The following KCNH4 variants were observed in gnomAD, a reference collection of about 807,000 sequenced individuals.
The protein encoded by KCNH4 is voltage-gated delayed rectifier potassium channel KCNH4.
Under a neutral mutation model 90.7 loss-of-function variants are expected in KCNH4, and 33 were observed. The ratio of observed to expected loss-of-function variants is 0.36; its 90% CI spans 0.28 to 0.49. The LOEUF is 0.49. KCNH4 is among the 20% of genes least tolerant of loss of function. The pLI is 0.98. For missense variants in KCNH4, 1,044 were observed against 1,387.1 expected, an observed-to-expected ratio of 0.75 and a Z score of 3.93; for synonymous variants, 551 against 581.7, an observed-to-expected ratio of 0.95 and a Z score of 0.76.
rs140256928 is a variant in KCNH4 at position 42,176,596 on chromosome 17, C to T, written c.586-299G>A. On this transcript the variant is annotated intron_variant, in intron 4 of 16. Coordinates refer to ENST00000264661, the MANE Select transcript of KCNH4 (RefSeq NM_012285.3). ...GGAGTGCAAGGGCATGATCTTGGCT[C>T]ACTGCAACCTCCACCTCCTGGGTTC... Among the ~76,000 whole-genome samples the T allele has an allele frequency of 9.3e-3, 1,248 of 133,734 alleles. 21 individuals carry two copies. The highest frequency in any genetic ancestry group is 0.033 in the African/African-American group (1,174 of 35,540). The allele number at this position is 133,734 out of a possible 152,430, so 87.7% of individuals were successfully genotyped here. A position where few individuals can be genotyped will look rare whatever the true frequency, so the allele number is the denominator to read the frequency against.
intron 7 of KCNH4, among the ~76,000 whole-genome samples, chr17:42,170,977 G>A (rs557592631): frequency 1.4e-4 from 21 of 152,328 alleles, no homozygotes; most frequent in African/African-American, 4.8e-4. Context: ...GCAGCGCAGG[G>A]AGCACGGGAG....
intron 6 of KCNH4, 147 bp from the exon 7 acceptor site, chr17:42,172,142 A>G: frequency 1.6e-6 from 1 of 638,618 alleles, no homozygotes; most frequent in Non-Finnish European, 2.8e-6. Flanking sequence ...GAAAGTGGCC[A>G]AGGAATGCAG....
At chr17:42,175,980 C>A in intron 5 of KCNH4, 74 bp downstream of exon 5, 4 of 1,508,150 alleles carry the variant, frequency 2.7e-6, no homozygotes, top group Non-Finnish European at 2.7e-6. Flanking sequence ...ATGTGGGCCC[C>A]AGGAGTGGGT....
intron 11 of KCNH4, 43 bp from the exon 12 acceptor site, chr17:42,164,211 G>C: frequency 1.3e-6 from 2 of 1,506,212 alleles, no homozygotes; most frequent in South Asian, 2.6e-5. Context: ...CTGCCTTCCC[G>C]CGGCCATAGC....
chr17:42,167,488 ACTCCCAGC>A (rs1331101561), intron 9 of KCNH4, among the ~76,000 whole-genome samples: 1 of 151,614 alleles, frequency 6.6e-6, no homozygotes, highest in African/African-American at 2.4e-5. Context: ...CTGGTCTCAA[ACTCCCAGC>A]CTCAGGTGAT....
rs147083617 is a variant in KCNH4, at chr17:42,168,153, G to A, written c.1590+1324C>T. On this transcript the variant is annotated intron_variant, in intron 9 of 16. Transcript: ENST00000264661. ...TCCCTCCTTTACAGCCCCATTCAGC[G>A]CGGCACTCTCTGTTCATCTTTCTGC... 3.9e-3 allele frequency among the ~76,000 whole-genome samples: 598 copies of A among 152,188 alleles called. 1 individual carries two copies. The highest frequency in any genetic ancestry group is 6.6e-3 in the South Asian group (32 of 4,820).
rs778230218 is a variant in KCNH4, at chr17:42,163,607, G to A, written c.2476C>T (p.Arg826Trp). 7 of 1,412,806 alleles carry A rather than the reference G, an allele frequency of 5.0e-6. No homozygotes were observed. Among genetic ancestry groups the A allele is most frequent in the Non-Finnish European group, 3.8e-6 (4 of 1,041,802 alleles). The allele number at this position is 1,412,806 out of a possible 1,614,324, so 87.5% of individuals were successfully genotyped here. A position where few individuals can be genotyped will look rare whatever the true frequency, so the allele number is the denominator to read the frequency against. Residue 826 changes from arginine to tryptophan, a missense_variant and splice_region_variant, in exon 13 of 17, where the codon CGG (arginine) becomes TGG (tryptophan). Arg to Trp is a moderately radical substitution (Grantham distance 101). This residue lies in a region of KCNH4 where 441 missense variants were observed against 512.3 expected (regional missense o/e 0.86). Coordinates refer to ENST00000264661, the MANE Select transcript of KCNH4 (RefSeq NM_012285.3). The surrounding 1 kb of genome is among the most constrained non-coding windows in gnomAD (Gnocchi z 5.4). Reference sequence around the variant, plus strand: ...AAGCAGGGGAGGCTGGCGTCTCACCGGGGACTGAGGTCCGGAGGTCCAAAG... The same window carrying A: ...AAGCAGGGGAGGCTGGCGTCTCACCAGGGACTGAGGTCCGGAGGTCCAAAG... ...GTFGPPDLSP[R>W]IVDGIEDSGS...
At chr17:42,162,448 A>T (rs1396647876) in intron 14 of KCNH4, 127 bp from the exon 15 acceptor site, 3 of 706,446 alleles carry the variant, frequency 4.2e-6, no homozygotes, top group South Asian at 1.9e-5. Flanking sequence ...GGTCTGTAAG[A>T]TGGGAAACCT....
At chr17:42,179,806 G>A (rs2079888509) in intron 1 of KCNH4, among the ~76,000 whole-genome samples, 1 of 152,218 alleles carries the variant, frequency 6.6e-6, no homozygotes, top group Non-Finnish European at 1.5e-5. Flanking sequence ...ATGGGAGAGG[G>A]CATTGAGCGT....
At chr17:42,158,312 T>G (rs1444307733) in intron 16 of KCNH4, among the ~76,000 whole-genome samples, 26 of 145,520 alleles carry the variant, frequency 1.8e-4, no homozygotes, top group East Asian at 6.2e-4. Flanking sequence ...AGGTGGATCA[T>G]GAGGTCAGGA....
chr17:42,162,377 A>G, intron 14 of KCNH4, 56 bp from the exon 15 acceptor site: 1 of 1,485,026 alleles, frequency 6.7e-7, no homozygotes, highest in Non-Finnish European at 9.4e-7. Context: ...TGAGCCTATA[A>G]CTTGGGCTGG....
In KCNH4 at chr17:42,169,746, C is replaced by T. The variant is rs2079814007; in HGVS notation, c.1391-70G>A. 1.6e-5 allele frequency: 25 copies of T among 1,523,736 alleles called. No individual in the cohort carries two copies. In the South Asian group the frequency reaches 2.7e-4, roughly 17 times the overall value. The allele number at this position is 1,523,736 out of a possible 1,614,324, so 94.4% of individuals were successfully genotyped here. On this transcript the variant is annotated intron_variant, in intron 8 of 16. Coordinates refer to ENST00000264661, the MANE Select transcript of KCNH4 (RefSeq NM_012285.3). ...GCCACCTCCCCAGCTCCCAAACCCA[C>T]CCTGTCCTGGACCAAGAGCCAGCGG...
At position 42,168,762 on chromosome 17, in the gene KCNH4, T is replaced by A. The variant is rs563345934; in HGVS notation, c.1590+715A>T. Among the ~76,000 whole-genome samples, 1,005 of 110,348 alleles carry A rather than the reference T, an allele frequency of 9.1e-3. 48 individuals are homozygous for A. The highest frequency in any genetic ancestry group is 0.072 in the Admixed American group (843 of 11,646). The allele number at this position is 110,348 out of a possible 152,430, so 72.4% of individuals were successfully genotyped here. A position where few individuals can be genotyped will look rare whatever the true frequency, so the allele number is the denominator to read the frequency against. ...TCCCTTTTATTTTATTTATTTATTT[T>A]TTTATTTTTATTTTTATTTTTATTT... On this transcript the variant is annotated intron_variant, in intron 9 of 16. Transcript: ENST00000264661.
At chr17:42,159,008 T>C (rs1006911326) in intron 16 of KCNH4, among the ~76,000 whole-genome samples, 2 of 151,806 alleles carry the variant, frequency 1.3e-5, no homozygotes, top group Non-Finnish European at 1.5e-5. Context: ...GAAATTGGAA[T>C]ATCTGTATTC....
At position 42,163,325 on chromosome 17, in the gene KCNH4, A is replaced by G; in HGVS notation, c.2487T>C (p.Asp829=). The change falls in exon 14 of 17, where the codon GAT becomes GAC. Residue 829 remains aspartate (D), a synonymous_variant. Coordinates refer to ENST00000264661, the MANE Select transcript of KCNH4 (RefSeq NM_012285.3). This position sits in a 1 kb window ranked among gnomAD's most constrained non-coding sequence, Gnocchi z 5.4. ...GPPDLSPRIV[D]GIEDSGSTAE... ...CTGTGCTGCCAGAGTCCTCAATGCC[A>G]TCCACTATCCTGGGAACAGGGCAGT... 1 of 1,613,240 alleles carries G rather than the reference A, an allele frequency of 6.2e-7. No individual in the cohort carries two copies. The highest frequency in any genetic ancestry group is 1.7e-5 in the Admixed American group (1 of 60,024).
intron 16 of KCNH4, among the ~76,000 whole-genome samples, chr17:42,157,355 C>G (rs1374877781): frequency 1.3e-5 from 2 of 152,070 alleles, no homozygotes; most frequent in South Asian, 4.2e-4. Flanking sequence ...GCAGAATCTG[C>G]GTTTTAATAG....
chr17:42,170,282 G>A lies in KCNH4; in HGVS notation c.1215C>T (p.Gly405=), dbSNP rs1236233065. The A allele has an allele frequency of 1.3e-6, 2 of 1,597,402 alleles. No homozygotes were observed. Among genetic ancestry groups the A allele is most frequent in the Admixed American group, 1.7e-5 (1 of 57,946 alleles). Residue 405 remains glycine, a synonymous_variant, in exon 8 of 17, where the codon GGC becomes GGT. Transcript: ENST00000264661. Reference sequence around the variant, plus strand: ...TGACATAGGGCACCTCCAGACGCTTGCCCAACTCATGCAACCAGCCTGCAG... The same window carrying A: ...TGACATAGGGCACCTCCAGACGCTTACCCAACTCATGCAACCAGCCTGCAG... ...LWDIGWLHEL[G]KRLEVPYVNG...
Position 42,165,641 on chromosome 17 carries a change from C to T in KCNH4, c.1893G>A (p.Gly631=). 1 of 1,614,214 alleles carries T rather than the reference C, an allele frequency of 6.2e-7. No individual in the cohort carries two copies. The highest frequency in any genetic ancestry group is 8.5e-7 in the Non-Finnish European group (1 of 1,180,038). The change falls in exon 11 of 17, where the codon GGG becomes GGA. Residue 631 remains glycine (G), a synonymous_variant. Transcript: ENST00000264661. ...ADIPEPGQEP[G]LGADPNFVLK... is the part of the protein sequence containing the mutation. ...GCACGAAGTTTGGGTCTGCTCCCAACCCAGGCTCCTGCCCCGGCTCAGGGA... is the reference window on the plus strand; with the variant it reads ...GCACGAAGTTTGGGTCTGCTCCCAATCCAGGCTCCTGCCCCGGCTCAGGGA...
Position 42,163,316 on chromosome 17 carries a change from C to T in KCNH4, c.2496G>A (p.Glu832=), listed in dbSNP as rs768089250. 3.1e-6 allele frequency: 5 copies of T among 1,613,754 alleles called. No individual in the cohort carries two copies. In the Admixed American group the frequency reaches 8.3e-5, roughly 27 times the overall value. Residue 832 remains glutamate, a synonymous_variant, in exon 14 of 17, where the codon GAG becomes GAA. Coordinates refer to ENST00000264661, the MANE Select transcript of KCNH4 (RefSeq NM_012285.3). The surrounding 1 kb of genome is among the most constrained non-coding windows in gnomAD (Gnocchi z 5.4). The part of the protein sequence containing the change: ...DLSPRIVDGI[E]DSGSTAEAPS... ...GGGCCTCAGCTGTGCTGCCAGAGTC[C>T]TCAATGCCATCCACTATCCTGGGAA...
Sources: allele counts gnomAD v4.1 joint callset (sites outside exome capture counted in the v4.1 genomes callset), GRCh38; gene constraint gnomAD v4.1.1; regional missense constraint gnomAD v4.1.1; non-coding constraint Gnocchi (gnomAD v3.1); transcripts MANE v1.5; gene names NCBI Gene and HGNC (gene_info 2026-07-23, HGNC 2026-07-21).